SAMD12: variants seen among roughly 807,000 people sequenced by gnomAD.
The protein encoded by SAMD12 is sterile alpha motif domain containing 12.
In SAMD12, 9 loss-of-function variants were observed where a neutral mutation model predicts 15.0. The observed-to-expected ratio is 0.60, with a 90% confidence interval of 0.36 to 1.05. The LOEUF is 1.05. Ranked by LOEUF, SAMD12 falls within the 50% of genes least tolerant of loss-of-function variation. The pLI is 0.01. For missense variants in SAMD12, 230 were observed against 234.2 expected, an observed-to-expected ratio of 0.98 and a Z score of 0.12; for synonymous variants, 86 against 90.1, an observed-to-expected ratio of 0.96 and a Z score of 0.25.
chr8:118,617,700 T>TAAA (rs907618440), intron 1 of SAMD12, among the ~76,000 whole-genome samples: 2 of 149,456 alleles, frequency 1.3e-5, no homozygotes, highest in African/African-American at 4.9e-5. Flanking sequence ...GGATGAGGGG[T>TAAA]AAAAAAAAAA....
chr8:118,432,370 T>G (rs966788487), intron 3 of SAMD12, among the ~76,000 whole-genome samples: 1 of 152,140 alleles, frequency 6.6e-6, no homozygotes, highest in Admixed American at 6.5e-5. Flanking sequence ...AGGAGGCATT[T>G]GGGGATATCC....
intron 2 of SAMD12, among the ~76,000 whole-genome samples, chr8:118,524,523 C>A (rs1369281437): frequency 6.6e-6 from 1 of 152,114 alleles, no homozygotes; most frequent in Non-Finnish European, 1.5e-5. Flanking sequence ...CGCCCAGTCT[C>A]CAGGCTTTAA....
intron 2 of SAMD12, among the ~76,000 whole-genome samples, chr8:118,451,070 A>G (rs1823067650): frequency 6.6e-6 from 1 of 152,180 alleles, no homozygotes; most frequent in Non-Finnish European, 1.5e-5. Context: ...CAACCTGCAA[A>G]GTAGGTATTA....
intron 2 of SAMD12, among the ~76,000 whole-genome samples, chr8:118,494,567 A>G (rs1017479735): frequency 2.0e-4 from 31 of 152,188 alleles, no homozygotes; most frequent in African/African-American, 7.5e-4. Context: ...GAATTAATCA[A>G]TGAAGGACAT....
At chr8:118,192,679 TGAAAA>T (rs1788532162) in exon 5 of SAMD12, 2 of 152,078 alleles carry the variant, frequency 1.3e-5, no homozygotes, top group Admixed American at 1.3e-4. Flanking sequence ...TTATGAAAAT[TGAAAA>T]GAATTTATGA....
At chr8:118,231,088 A>G (rs1033757460) in intron 4 of SAMD12, among the ~76,000 whole-genome samples, 3 of 152,236 alleles carry the variant, frequency 2.0e-5, no homozygotes, top group Non-Finnish European at 4.4e-5. Context: ...ACTGAGCCAC[A>G]GCAGTAATTT....
At chr8:118,161,056 T>C in the SAMD12 span, among the ~76,000 whole-genome samples, 4 of 152,270 alleles carry the variant, frequency 2.6e-5, no homozygotes, top group African/African-American at 9.6e-5. Flanking sequence ...TGGTTTTTTG[T>C]CCTTGCGATA....
chr8:118,219,485 G>T (rs1812036609), intron 4 of SAMD12, among the ~76,000 whole-genome samples: 1 of 152,222 alleles, frequency 6.6e-6, no homozygotes, highest in Non-Finnish European at 1.5e-5. Flanking sequence ...ATTAAAGGTA[G>T]CTACAAATTC....
intron 2 of SAMD12, among the ~76,000 whole-genome samples, chr8:118,453,239 G>T (rs1043677208): frequency 6.6e-6 from 1 of 152,096 alleles, no homozygotes; most frequent in African/African-American, 2.4e-5. Context: ...TGCCAAGTAT[G>T]ATGGTAAATT....
At chr8:118,217,035 C>T (rs1029831060) in intron 4 of SAMD12, among the ~76,000 whole-genome samples, 5 of 152,094 alleles carry the variant, frequency 3.3e-5, no homozygotes, top group African/African-American at 9.7e-5. Context: ...GACGGAGTCT[C>T]GCTCTGTCAC....
chr8:118,355,151 A>G (rs986021289), intron 4 of SAMD12, among the ~76,000 whole-genome samples: 4 of 152,236 alleles, frequency 2.6e-5, no homozygotes, highest in Non-Finnish European at 5.9e-5. Context: ...ATCCCCATCA[A>G]TCAACAAGGG....
At chr8:118,461,767 A>G (rs1200637281) in intron 2 of SAMD12, among the ~76,000 whole-genome samples, 1 of 152,216 alleles carries the variant, frequency 6.6e-6, no homozygotes, top group Non-Finnish European at 1.5e-5. Context: ...ACAATCATTG[A>G]GTTTTCACCT....
rs183568251 is a variant in SAMD12, at chr8:118,198,100, T to C, written c.434-368A>G. 9.0e-4 allele frequency among the ~76,000 whole-genome samples: 137 copies of C among 152,232 alleles called. 1 individual carries two copies. The highest frequency in any genetic ancestry group is 1.5e-3 in the African/African-American group (61 of 41,548). On this transcript the variant is annotated intron_variant, in intron 4 of 4. Transcript: ENST00000409003. Reference sequence around the variant, plus strand: ...TTGCTTGGTCTGGTGCAAGGTAAGATTGGGGATGGTGTGAAGCATTTTATT... The same window carrying C: ...TTGCTTGGTCTGGTGCAAGGTAAGACTGGGGATGGTGTGAAGCATTTTATT...
At chr8:118,442,712 C>G (rs940383949) in intron 2 of SAMD12, among the ~76,000 whole-genome samples, 1 of 152,176 alleles carries the variant, frequency 6.6e-6, no homozygotes, top group Non-Finnish European at 1.5e-5. Flanking sequence ...TACAAATGTT[C>G]CTTCGGATTA....
intron 2 of SAMD12, among the ~76,000 whole-genome samples, chr8:118,507,320 A>G (rs1824948363): frequency 6.6e-6 from 1 of 152,062 alleles, no homozygotes; most frequent in Admixed American, 6.6e-5. Flanking sequence ...GAACTTTACC[A>G]TGTATTAAAT....
rs115352011 is a variant in SAMD12 at position 118,408,159 on chromosome 8, A to G, written c.323-28459T>C. Among the ~76,000 whole-genome samples, 402 of 152,252 alleles carry G rather than the reference A, an allele frequency of 2.6e-3. 2 individuals carry two copies. The highest frequency in any genetic ancestry group is 9.1e-3 in the African/African-American group (378 of 41,516). On this transcript the variant is annotated intron_variant, in intron 3 of 3. Transcript: ENST00000314727. ...CCAGTCCTACACTTAACTCCATACC[A>G]GACTCCCTTGATAAGTATCCTCAAA...
At chr8:118,179,786 G>A in the SAMD12 span, among the ~76,000 whole-genome samples, 3 of 152,134 alleles carry the variant, frequency 2.0e-5, no homozygotes, top group African/African-American at 7.2e-5. Context: ...ACGGGACTAG[G>A]CAGGATTTTT....
chr8:118,273,236 A>G (rs1244544850), intron 4 of SAMD12, among the ~76,000 whole-genome samples: 2 of 152,174 alleles, frequency 1.3e-5, no homozygotes, highest in African/African-American at 4.8e-5. Flanking sequence ...TGGTAGCAAG[A>G]AGTGCTGCAC....
exon 5 of SAMD12, chr8:118,190,547 C>A (rs1819339078): frequency 6.6e-6 from 1 of 151,920 alleles, no homozygotes; most frequent in African/African-American, 2.4e-5. Context: ...GTGTAAAATG[C>A]TGATTGTTAC....
Sources: allele counts gnomAD v4.1 joint callset (sites outside exome capture counted in the v4.1 genomes callset), GRCh38; gene constraint gnomAD v4.1.1; transcripts MANE v1.5; gene names NCBI Gene and HGNC (gene_info 2026-07-23, HGNC 2026-07-21).